The following MCM9 variants were observed in gnomAD, a reference collection of about 807,000 sequenced individuals.
The protein encoded by MCM9 is minichromosome maintenance 9 homologous recombination repair factor.
MCM9 carries 55 observed loss-of-function variants against 72.8 expected under a neutral mutation model. That is an observed-to-expected ratio of 0.76 (90% CI 0.61 to 0.95). The LOEUF is 0.95. Among genes scored for constraint, MCM9 ranks in the 40% least tolerant of loss-of-function variants. MCM9 has a pLI of 0.00. For missense variants in MCM9, 1,279 were observed against 1,377.0 expected, an observed-to-expected ratio of 0.93 and a Z score of 1.13; for synonymous variants, 480 against 503.4, an observed-to-expected ratio of 0.95 and a Z score of 0.62.
At chr6:118,932,086 T>A (rs9689589) in intron 2 of MCM9, among the ~76,000 whole-genome samples, 88,308 of 152,090 alleles carry the variant, frequency 0.58, 26,192 homozygotes, top group East Asian at 0.69. Flanking sequence ...GCACTTATAA[T>A]AGTGGTCTCA....
chr6:118,877,487 A>T (rs950251587), intron 8 of MCM9, among the ~76,000 whole-genome samples: 10 of 152,350 alleles, frequency 6.6e-5, no homozygotes, highest in Middle Eastern at 3.4e-3. Context: ...TTAAAACTAC[A>T]GTGTAATGCC....
At chr6:118,933,969 A>ACCC (rs1389756462) in intron 1 of MCM9, among the ~76,000 whole-genome samples, 51 of 151,618 alleles carry the variant, frequency 3.4e-4, no homozygotes, top group African/African-American at 1.2e-3. Flanking sequence ...TTGCCCAAAA[A>ACCC]AAAAAAAAAA....
chr6:118,888,404 G>A (rs1225058865), intron 8 of MCM9, among the ~76,000 whole-genome samples: 1 of 152,064 alleles, frequency 6.6e-6, no homozygotes, highest in Middle Eastern at 3.2e-3. Context: ...GGAGAATGGT[G>A]TGAACCTGGG....
At chr6:118,903,636 TAC>T (rs1257047858) in intron 8 of MCM9, among the ~76,000 whole-genome samples, 4 of 152,242 alleles carry the variant, frequency 2.6e-5, no homozygotes, top group African/African-American at 9.6e-5. Flanking sequence ...TCACTGAGAA[TAC>T]ACTCGATGTA....
intron 8 of MCM9, chr6:118,900,762 C>G (rs1426733524): frequency 1.3e-6 from 2 of 1,598,496 alleles, no homozygotes; most frequent in Non-Finnish European, 8.6e-7. Context: ...TTTTTTAACC[C>G]TAGACTTGGA....
At chr6:118,887,555 C>A (rs994539806) in intron 8 of MCM9, among the ~76,000 whole-genome samples, 1 of 151,988 alleles carries the variant, frequency 6.6e-6, no homozygotes, top group African/African-American at 2.4e-5. Flanking sequence ...ATCCTCATGA[C>A]GCTGGATTAG....
intron 8 of MCM9, 54 bp downstream of exon 8, chr6:118,911,596 T>C (rs1015695682): frequency 1.3e-6 from 2 of 1,542,472 alleles, no homozygotes; most frequent in Non-Finnish European, 1.7e-6. Context: ...GAAAAAACCA[T>C]TGTGTTAACT....
chr6:118,847,335 G>C (rs995079889), intron 9 of MCM9, among the ~76,000 whole-genome samples: 3 of 150,944 alleles, frequency 2.0e-5, no homozygotes, highest in African/African-American at 7.4e-5. Context: ...CTACCTCCTG[G>C]GGACTGTGTT....
At chr6:118,872,535 C>T (rs1777669329) in intron 8 of MCM9, among the ~76,000 whole-genome samples, 1 of 151,884 alleles carries the variant, frequency 6.6e-6, no homozygotes, top group African/African-American at 2.4e-5. Flanking sequence ...TCACTTGAGG[C>T]CAGGAGTTCA....
At chr6:118,924,793 C>A (rs1781742604) in intron 3 of MCM9, among the ~76,000 whole-genome samples, 1 of 152,202 alleles carries the variant, frequency 6.6e-6, no homozygotes, top group African/African-American at 2.4e-5. Flanking sequence ...GGCACCGTGG[C>A]TCACACTTGG....
intron 9 of MCM9, among the ~76,000 whole-genome samples, chr6:118,851,248 T>C (rs927730255): frequency 1.3e-5 from 2 of 151,798 alleles, no homozygotes; most frequent in Admixed American, 1.3e-4. Flanking sequence ...GGTGGTCCTG[T>C]CATCCCTGGG....
intron 3 of MCM9, among the ~76,000 whole-genome samples, chr6:118,925,483 T>C (rs1228825090): frequency 3.3e-5 from 5 of 152,278 alleles, no homozygotes; most frequent in Admixed American, 1.3e-4. Flanking sequence ...TTAGAGTAAC[T>C]GAATGTTTAA....
chr6:118,872,516 T>G (rs192690176), intron 8 of MCM9, among the ~76,000 whole-genome samples: 3 of 150,966 alleles, frequency 2.0e-5, no homozygotes, highest in African/African-American at 7.3e-5. Context: ...GGAGGCTGAG[T>G]CAGCAGGATC....
At chr6:118,831,439 A>G (rs890037358) in intron 9 of MCM9, among the ~76,000 whole-genome samples, 5 of 151,814 alleles carry the variant, frequency 3.3e-5, no homozygotes, top group Non-Finnish European at 7.4e-5. Flanking sequence ...CAGAAATAGG[A>G]GCAAGGAAAA....
chr6:118,846,879 T>C (rs1479615394), intron 9 of MCM9, among the ~76,000 whole-genome samples: 2 of 151,660 alleles, frequency 1.3e-5, no homozygotes, highest in East Asian at 1.9e-4. Flanking sequence ...GGAAATAACA[T>C]GCAGCTCCAT....
At chr6:118,883,962 G>A (rs1778450250) in intron 8 of MCM9, among the ~76,000 whole-genome samples, 2 of 152,178 alleles carry the variant, frequency 1.3e-5, no homozygotes, top group South Asian at 4.1e-4. Flanking sequence ...TTTCTAAACT[G>A]ATTTTAAAAG....
At chr6:118,911,541 A>G in intron 8 of MCM9, 109 bp downstream of exon 8, 1 of 1,415,918 alleles carries the variant, frequency 7.1e-7, no homozygotes, top group Non-Finnish European at 9.2e-7. Flanking sequence ...GTGGTAACTC[A>G]AAAATTAGCT....
intron 9 of MCM9, among the ~76,000 whole-genome samples, chr6:118,849,814 G>T (rs1054058023): frequency 6.6e-6 from 1 of 151,722 alleles, no homozygotes; most frequent in South Asian, 2.1e-4. Context: ...CTATCTTTTG[G>T]ATAAGAAAGA....
rs776462054 is a variant in MCM9, at chr6:118,856,391, G to A, written c.1305C>T (p.Thr435=). The A allele has an allele frequency of 1.4e-5, 22 of 1,534,946 alleles. No homozygotes were observed. The highest frequency in any genetic ancestry group is 4.8e-5 in the South Asian group (4 of 83,922). ...CTTACCCAGCCTTAGCAACACTTAT[G>A]GTTTGTTGCTCCATTGCTTCATGGA... is the stretch of plus-strand genomic sequence containing the variant. The part of the protein sequence containing the change: ...TSIHEAMEQQ[T]ISVAKAGLVC... Residue 435 remains threonine (T), a synonymous_variant, in exon 9 of 14, where the codon ACC becomes ACT. Coordinates refer to ENST00000619706, the MANE Select transcript of MCM9 (RefSeq NM_017696.3).
Sources: gnomAD v4.1 joint callset for allele counts (sites outside exome capture counted in the v4.1 genomes callset) on GRCh38, gnomAD v4.1.1 for gene constraint, MANE v1.5 for transcripts, NCBI Gene and HGNC (gene_info 2026-07-23, HGNC 2026-07-21) for gene names.